Variants in TRPV5 observed in about 807,000 individuals in gnomAD.
The protein encoded by TRPV5 is transient receptor potential cation channel subfamily V member 5.
Under a neutral mutation model 74.1 loss-of-function variants are expected in TRPV5, and 66 were observed. The ratio of observed to expected loss-of-function variants is 0.89; its 90% CI spans 0.73 to 1.09. The LOEUF (loss-of-function observed/expected upper bound fraction) is 1.09. Among genes scored for constraint, TRPV5 ranks in the 50% least tolerant of loss-of-function variants. The probability of loss-of-function intolerance (pLI) is 0.00; values close to 1 mark genes in which losing one functional copy is unlikely to be tolerated. For synonymous variants in TRPV5, 399 were observed against 360.7 expected (o/e 1.11, Z -1.20); for missense variants, 936 against 930.4 (o/e 1.01, Z -0.08).
chr7:142,914,796 G>T, intron 11 of TRPV5, 85 bp downstream of exon 11: 2 of 1,609,018 alleles, frequency 1.2e-6, no homozygotes, highest in Non-Finnish European at 1.7e-6. Context: ...GGCCCCCATA[G>T]TTCTACCAGC....
chr7:142,919,432 C>T (rs114479437), intron 8 of TRPV5, among the ~76,000 whole-genome samples: 184 of 152,198 alleles, frequency 1.2e-3, no homozygotes, highest in African/African-American at 3.6e-3. Flanking sequence ...GGACAGGAAG[C>T]GGGGATGGAG....
At chr7:142,924,223 TATATACATATATATATATATAC>T (rs1329668923) in intron 8 of TRPV5, among the ~76,000 whole-genome samples, 98 of 143,400 alleles carry the variant, frequency 6.8e-4, no homozygotes, top group African/African-American at 2.6e-3. Context: ...ACACTGTATA[TATATACATATATATATATATAC>T]ATATACATGT....
At position 142,912,751 on chromosome 7, in the gene TRPV5, C is replaced by G. The variant is rs1376418286; in HGVS notation, c.1520-1G>C. The G allele has an allele frequency of 1.9e-6, 3 of 1,612,190 alleles. No individual in the cohort carries two copies. The highest frequency in any genetic ancestry group is 2.5e-6 in the Non-Finnish European group (3 of 1,178,362). ...TCTGTCTGGAAAATGATATAGAACGCTGCTCCGCCCAGGAAGAGGACATGG... is the reference window on the plus strand; with the variant it reads ...TCTGTCTGGAAAATGATATAGAACGGTGCTCCGCCCAGGAAGAGGACATGG... On this transcript the variant is annotated splice_acceptor_variant, in intron 12 of 14. Coordinates refer to ENST00000265310, the MANE Select transcript of TRPV5 (RefSeq NM_019841.7). LOFTEE classifies it high-confidence loss of function.
intron 7 of TRPV5, among the ~76,000 whole-genome samples, chr7:142,927,068 C>G (rs1333425011): frequency 6.6e-6 from 1 of 152,150 alleles, no homozygotes; most frequent in African/African-American, 2.4e-5. Flanking sequence ...TCACTCAACC[C>G]AGCATTGTTG....
intron 8 of TRPV5, 64 bp from the exon 9 acceptor site, chr7:142,915,632 G>C: frequency 6.5e-7 from 1 of 1,533,228 alleles, no homozygotes. Flanking sequence ...TTGTGCAAAT[G>C]ATCGAAAGCT....
intron 8 of TRPV5, among the ~76,000 whole-genome samples, chr7:142,915,871 C>T (rs536174446): frequency 2.0e-5 from 3 of 152,334 alleles, no homozygotes; most frequent in African/African-American, 4.8e-5. Flanking sequence ...GCTGAGAACA[C>T]ATTTCAGCGC....
At position 142,928,568 on chromosome 7, in the gene TRPV5, G is replaced by A; in HGVS notation, c.762+123C>T. The stretch of plus-strand genomic sequence containing the variant: ...GGAAGCAAGGGACCACCATCCCTTT[G>A]GGGAGTTTGGGGAAAAGGGATTTTA... On this transcript the variant is annotated intron_variant, in intron 6 of 14. Coordinates refer to ENST00000265310, the MANE Select transcript of TRPV5 (RefSeq NM_019841.7). 3.0e-6 allele frequency: 4 copies of A among 1,350,066 alleles called. No homozygotes were observed. The South Asian group carries it at 6.0e-5, about 20-fold the overall frequency. 83.6% of individuals were successfully genotyped at this position (1,350,066 alleles called of 1,614,324 possible).
At position 142,928,977 on chromosome 7, in the gene TRPV5, C is replaced by T. The variant is rs199680278; in HGVS notation, c.586+45G>A. 1.4e-3 allele frequency: 2,292 copies of T among 1,613,030 alleles called. 1 individual carries two copies. The highest frequency in any genetic ancestry group is 1.8e-3 in the Non-Finnish European group (2,133 of 1,179,706). On this transcript the variant is annotated intron_variant, in intron 5 of 14. Coordinates refer to ENST00000265310, the MANE Select transcript of TRPV5 (RefSeq NM_019841.7). ...CAGCTCCACTCCTTACCCTGTCCCT[C>T]GCTCCCCACAGCATCCCAGCTCCCC...
chr7:142,912,688 T>TG lies in TRPV5; in HGVS notation c.1581dup (p.Met528HisfsTer8). 6.2e-7 allele frequency: 1 copy of TG among 1,614,192 alleles called. No individual in the cohort carries two copies. The highest frequency in any genetic ancestry group is 8.5e-7 in the Non-Finnish European group (1 of 1,180,036). On this transcript the variant is annotated frameshift_variant, in exon 13 of 15. Transcript: ENST00000265310. LOFTEE classifies it high-confidence loss of function. The stretch of plus-strand genomic sequence containing the variant: ...AGCTCAAAGGTGGTGAACAGTGCCA[T>TG]GGGGTAGTCATAGAATTGCCCCAGA...
At chr7:142,915,175 A>G (rs1192344710) in intron 10 of TRPV5, 129 bp from the exon 11 acceptor site, 2 of 1,512,854 alleles carry the variant, frequency 1.3e-6, no homozygotes, top group Admixed American at 3.8e-5. Context: ...ACATACAGTT[A>G]CACCTACAAG....
In TRPV5 at chr7:142,914,980, C is replaced by T; in HGVS notation, c.1353G>A (p.Val451=). The T allele has an allele frequency of 6.2e-7, 1 of 1,614,114 alleles. No homozygotes were observed. The highest frequency in any genetic ancestry group is 8.5e-7 in the Non-Finnish European group (1 of 1,180,028). Residue 451 remains valine, a synonymous_variant, in exon 11 of 15, where the codon GTG becomes GTA. Coordinates refer to ENST00000265310, the MANE Select transcript of TRPV5 (RefSeq NM_019841.7). ...VMRLTNTNGE[V]VPMSFALVLG... ...GCACCAGGGCAAAGGACATGGGCAC[C>T]ACCTCCCCATTGGTGTTGGTGAGCC...
chr7:142,924,310 ATACACACATATACATG>A lies in TRPV5; in HGVS notation c.1122+1203_1122+1218del, dbSNP rs1795939898. 1.1e-3 allele frequency among the ~76,000 whole-genome samples: 27 copies of A among 25,648 alleles called. 3 individuals carry two copies. The highest frequency in any genetic ancestry group is 2.7e-3 in the African/African-American group (25 of 9,214). 16.8% of individuals were successfully genotyped at this position (25,648 alleles called of 152,430 possible). A position where few individuals can be genotyped will look rare whatever the true frequency, so the allele number is the denominator to read the frequency against. On this transcript the variant is annotated intron_variant, in intron 8 of 14. Coordinates refer to ENST00000265310, the MANE Select transcript of TRPV5 (RefSeq NM_019841.7). ...TACATGTATATATATACATATATAT[ATACACACATATACATG>A]TATATATATACATATATATATATAT...
At chr7:142,909,714 A>C in intron 13 of TRPV5, 118 bp from the exon 14 acceptor site, 1 of 1,076,192 alleles carries the variant, frequency 9.3e-7, no homozygotes, top group Non-Finnish European at 1.3e-6. Flanking sequence ...ACTAGAGGTC[A>C]GTGGTGAGAA....
At chr7:142,926,402 G>T (rs1795990177) in intron 7 of TRPV5, among the ~76,000 whole-genome samples, 1 of 152,128 alleles carries the variant, frequency 6.6e-6, no homozygotes, top group Admixed American at 6.5e-5. Flanking sequence ...ATGGACGGGA[G>T]GAGGCATCTG....
intron 7 of TRPV5, among the ~76,000 whole-genome samples, chr7:142,927,886 G>A (rs1796013173): frequency 6.6e-6 from 1 of 152,218 alleles, no homozygotes; most frequent in African/African-American, 2.4e-5. Flanking sequence ...AGGCAGAAGG[G>A]ACTGGAGCTA....
chr7:142,921,139 T>C (rs1003407464), intron 8 of TRPV5, among the ~76,000 whole-genome samples: 5 of 152,042 alleles, frequency 3.3e-5, no homozygotes, highest in Admixed American at 6.5e-5. Context: ...TGTGGACAAA[T>C]AGATCCCACG....
intron 7 of TRPV5, 92 bp downstream of exon 7, chr7:142,927,996 G>A (rs1488375889): frequency 3.3e-6 from 5 of 1,519,048 alleles, no homozygotes; most frequent in Non-Finnish European, 4.5e-6. Flanking sequence ...GCTGGGAAGT[G>A]TCTCAGGCCC....
In TRPV5 at chr7:142,933,625, G is replaced by A; in HGVS notation, c.-166C>T. The A allele has an allele frequency of 1.1e-6, 1 of 884,890 alleles. No individual in the cohort carries two copies. The highest frequency in any genetic ancestry group is 1.7e-6 in the Non-Finnish European group (1 of 580,840). 54.8% of individuals were successfully genotyped at this position (884,890 alleles called of 1,614,324 possible). ...ATGCAGCTTGTAGGTGTGTGTGTGT[G>A]CATGCAGTATGTGGGTTGTGGGGTG... On this transcript the variant is annotated 5_prime_UTR_variant, in exon 1 of 15. Transcript: ENST00000265310.
chr7:142,908,547 A>T lies in TRPV5; in HGVS notation c.2157T>A (p.Ser719Arg). ...GGTAGACCTCCTCTCCATCCCCCTCACTAAGGTTCAGTCCAAGATTCAAGT... is the reference window on the plus strand; with the variant it reads ...GGTAGACCTCCTCTCCATCCCCCTCTCTAAGGTTCAGTCCAAGATTCAAGT... Reference protein sequence around the residue: ...LGHLNLGLNLSEGDGEEVYHF With the variant: ...LGHLNLGLNLREGDGEEVYHF The change falls in exon 15 of 15, where the codon AGT (serine) becomes AGA (arginine). Residue 719 changes from serine to arginine, a missense_variant. Transcript: ENST00000265310. 1 of 1,614,156 alleles carries T rather than the reference A, an allele frequency of 6.2e-7. No individual in the cohort carries two copies. The highest frequency in any genetic ancestry group is 8.5e-7 in the Non-Finnish European group (1 of 1,180,022).
Sources: gnomAD v4.1 joint callset for allele counts (sites outside exome capture counted in the v4.1 genomes callset) on GRCh38, gnomAD v4.1.1 for gene constraint, MANE v1.5 for transcripts, NCBI Gene and HGNC (gene_info 2026-07-23, HGNC 2026-07-21) for gene names.